TRIO: variants seen among roughly 807,000 people sequenced by gnomAD.
TRIO encodes the protein triple functional domain protein.
TRIO carries 58 observed loss-of-function variants against 351.9 expected under a neutral mutation model. The ratio of observed to expected loss-of-function variants is 0.16; its 90% CI spans 0.13 to 0.21. The LOEUF (loss-of-function observed/expected upper bound fraction) is 0.21, where lower values mean the gene tolerates loss of function less well. Ranked by LOEUF, TRIO falls within the 10% of genes least tolerant of loss-of-function variation. TRIO has a pLI of 1.00. For missense variants in TRIO, 3,201 were observed against 4,027.8 expected (o/e 0.79, Z 5.56); for synonymous variants, 1,758 against 1,595.7 (o/e 1.10, Z -2.42).
intron 34 of TRIO, among the ~76,000 whole-genome samples, chr5:14,434,927 A>G (rs1751461938): frequency 6.6e-6 from 1 of 152,208 alleles, no homozygotes; most frequent in Non-Finnish European, 1.5e-5. Context: ...AGTTTATCTA[A>G]TAGTAAATAA....
chr5:14,506,157 T>C (rs1445195850), intron 55 of TRIO, among the ~76,000 whole-genome samples: 1 of 152,138 alleles, frequency 6.6e-6, no homozygotes, highest in Non-Finnish European at 1.5e-5. Flanking sequence ...CCTGGGGAGT[T>C]TTAACAAAAC....
At chr5:14,314,388 T>C (rs1202035053) in intron 8 of TRIO, among the ~76,000 whole-genome samples, 2 of 152,264 alleles carry the variant, frequency 1.3e-5, no homozygotes, top group Non-Finnish European at 2.9e-5. Context: ...GCTGGTCATA[T>C]ATATAAAACT....
At chr5:14,333,211 A>T (rs918316172) in intron 10 of TRIO, among the ~76,000 whole-genome samples, 1 of 152,172 alleles carries the variant, frequency 6.6e-6, no homozygotes, top group African/African-American at 2.4e-5. Context: ...TGTCCGGTCA[A>T]ATGGTGAGAG....
At chr5:14,320,875 C>T (rs376355161) in intron 9 of TRIO, among the ~76,000 whole-genome samples, 2 of 152,136 alleles carry the variant, frequency 1.3e-5, no homozygotes, top group South Asian at 4.1e-4. Flanking sequence ...GTATAATTTG[C>T]TAAGGCATAA....
rs1174527848 is a variant in TRIO at position 14,286,350 on chromosome 5, A to G, written c.348-521A>G. ...TAAAGGGAATAAAATGGAACATAAGAAAGTTCTCATCATTGCCAGCCATGC... is the reference window on the plus strand; with the variant it reads ...TAAAGGGAATAAAATGGAACATAAGGAAGTTCTCATCATTGCCAGCCATGC... On this transcript the variant is annotated intron_variant, in intron 3 of 56. Coordinates refer to ENST00000344204, the MANE Select transcript of TRIO (RefSeq NM_007118.4). This position sits in a 1 kb window ranked among gnomAD's most constrained non-coding sequence, Gnocchi z 4.4. 6.6e-6 allele frequency among the ~76,000 whole-genome samples: 1 copy of G among 152,082 alleles called. No homozygotes were observed. The highest frequency in any genetic ancestry group is 1.5e-5 in the Non-Finnish European group (1 of 68,012).
Position 14,378,022 on chromosome 5 carries a change from T to C in TRIO, c.3342T>C (p.Asn1114=). The part of the protein sequence containing the change: ...APEQQVKNIL[N]ELFQRENRVL... ...TCTTTTTTCTCTCAGATATCTTGAA[T>C]GAACTCTTCCAACGGGAGAACAGGG... Residue 1114 remains asparagine, a synonymous_variant, in exon 20 of 57, where the codon AAT becomes AAC. Transcript: ENST00000344204. 5 of 1,611,992 alleles carry C rather than the reference T, an allele frequency of 3.1e-6. No homozygotes were observed. The South Asian group carries it at 3.3e-5, about 11-fold the overall frequency.
At chr5:14,487,345 T>A in intron 47 of TRIO, 119 bp from the exon 48 acceptor site, 1 of 1,049,202 alleles carries the variant, frequency 9.5e-7, no homozygotes, top group Middle Eastern at 2.9e-4. Context: ...GGGGTTGCTC[T>A]GCGCCCCTGC....
chr5:14,336,160 C>T (rs557592554), intron 10 of TRIO, among the ~76,000 whole-genome samples: 34 of 152,260 alleles, frequency 2.2e-4, no homozygotes, highest in Middle Eastern at 3.4e-3. Flanking sequence ...CTGGAACTCT[C>T]TGCTTGGTGA....
intron 8 of TRIO, among the ~76,000 whole-genome samples, chr5:14,309,558 C>T (rs1184048060): frequency 6.6e-6 from 1 of 152,240 alleles, no homozygotes; most frequent in African/African-American, 2.4e-5. Context: ...TAAAATGCAG[C>T]AGTACTCTAC....
Position 14,381,244 on chromosome 5 carries a change from A to G in TRIO, c.3562A>G (p.Thr1188Ala), listed in dbSNP as rs1746074176. 1 of 1,610,474 alleles carries G rather than the reference A, an allele frequency of 6.2e-7. No individual in the cohort carries two copies. Among genetic ancestry groups the G allele is most frequent in the Non-Finnish European group, 8.5e-7 (1 of 1,178,950 alleles). ...GAAAGAGCACGAGGAGTTCCAGATA[A>G]CTGCAAAGGTGGGTTCAGAGTGTAC... ...LLKEHEEFQITAKQTKERVKL... is the reference protein window; with the variant it reads ...LLKEHEEFQIAAKQTKERVKL... The change falls in exon 21 of 57, where the codon ACT becomes GCT. Residue 1188 changes from threonine (T) to alanine (A), a missense_variant. Coordinates refer to ENST00000344204, the MANE Select transcript of TRIO (RefSeq NM_007118.4).
At chr5:14,381,497 T>A (rs1302898830) in intron 21 of TRIO, among the ~76,000 whole-genome samples, 1 of 152,216 alleles carries the variant, frequency 6.6e-6, no homozygotes, top group African/African-American at 2.4e-5. Flanking sequence ...TTTTCTTCCT[T>A]GTCCTTCCCA....
chr5:14,400,953 T>G lies in TRIO; in HGVS notation c.4615-10T>G. 1 of 1,613,282 alleles carries G rather than the reference T, an allele frequency of 6.2e-7. No homozygotes were observed. Among genetic ancestry groups the G allele is most frequent in the Non-Finnish European group, 8.5e-7 (1 of 1,179,604 alleles). On this transcript the variant is annotated splice_polypyrimidine_tract_variant and intron_variant, in intron 30 of 56. Transcript: ENST00000344204. ...CTGTCACCTAATTATATAATTGTCT[T>G]TTTATCCAGACCTCAGAGTTGGGTG...
intron 11 of TRIO, among the ~76,000 whole-genome samples, chr5:14,349,273 T>C (rs1269599097): frequency 1.3e-5 from 2 of 148,896 alleles, no homozygotes; most frequent in Non-Finnish European, 3.0e-5. Flanking sequence ...TTTTCCTGTG[T>C]GTATGTGTGT....
chr5:14,364,472 T>C (rs1427839144), intron 14 of TRIO, among the ~76,000 whole-genome samples, 178 bp from the exon 15 acceptor site: 3 of 152,244 alleles, frequency 2.0e-5, no homozygotes, highest in African/African-American at 7.2e-5. Context: ...TGGATGTGGA[T>C]TGATTGCCTA....
intron 18 of TRIO, among the ~76,000 whole-genome samples, chr5:14,372,826 C>T (rs920495029): frequency 6.6e-6 from 1 of 152,204 alleles, no homozygotes; most frequent in African/African-American, 2.4e-5. Flanking sequence ...CCATCACCCT[C>T]GTAGTCTTCA....
intron 9 of TRIO, among the ~76,000 whole-genome samples, chr5:14,323,356 G>A (rs776422146): frequency 2.0e-5 from 3 of 152,000 alleles, no homozygotes; most frequent in South Asian, 2.1e-4. Context: ...CTGTGTCACC[G>A]CTCTGGGTCT....
chr5:14,178,183 A>G (rs1019297257), intron 1 of TRIO, among the ~76,000 whole-genome samples: 3 of 152,196 alleles, frequency 2.0e-5, no homozygotes, highest in Non-Finnish European at 2.9e-5. Context: ...GGATTTGCCA[A>G]ACAAGCAGCA....
chr5:14,190,155 T>G (rs1790370499), intron 1 of TRIO, among the ~76,000 whole-genome samples: 2 of 152,088 alleles, frequency 1.3e-5, no homozygotes, highest in Non-Finnish European at 2.9e-5. Context: ...GGCTACTAGT[T>G]TTTGAATAGA....
intron 1 of TRIO, among the ~76,000 whole-genome samples, chr5:14,194,945 T>G (rs996255313): frequency 1.3e-5 from 2 of 152,024 alleles, no homozygotes; most frequent in African/African-American, 2.4e-5. Context: ...TAGATAAACT[T>G]TTTTTTTCTG....
Sources: gnomAD v4.1 joint callset for allele counts (sites outside exome capture counted in the v4.1 genomes callset) on GRCh38, gnomAD v4.1.1 for gene constraint, Gnocchi (gnomAD v3.1) non-coding constraint, MANE v1.5 for transcripts, NCBI Gene and HGNC (gene_info 2026-07-23, HGNC 2026-07-21) for gene names.